The following ZFAND6 variants were observed in gnomAD, a reference collection of about 807,000 sequenced individuals.
ZFAND6 encodes AN1-type zinc finger protein 6.
ZFAND6 carries 12 observed loss-of-function variants against 24.5 expected under a neutral mutation model. The ratio of observed to expected loss-of-function variants is 0.49; its 90% CI spans 0.31 to 0.79. The LOEUF is 0.79. Among genes scored for constraint, ZFAND6 ranks in the 30% least tolerant of loss-of-function variants. The pLI is 0.04. For synonymous variants in ZFAND6, 92 were observed against 81.5 expected, an observed-to-expected ratio of 1.13 and a Z score of -0.69; for missense variants, 207 against 245.9, an observed-to-expected ratio of 0.84 and a Z score of 1.06.
chr15:80,137,405 T>G (rs1411884454), intron 6 of ZFAND6, 75 bp from the exon 7 acceptor site: 7 of 1,489,818 alleles, frequency 4.7e-6, no homozygotes, highest in Non-Finnish European at 6.3e-6. Flanking sequence ...TATATTGTGC[T>G]GTTCAGTATT....
intron 1 of ZFAND6, among the ~76,000 whole-genome samples, chr15:80,087,662 A>G (rs1380352510): frequency 2.0e-5 from 3 of 152,184 alleles, no homozygotes. Context: ...GTGCTATCAG[A>G]GGAAATCATA....
intron 2 of ZFAND6, among the ~76,000 whole-genome samples, chr15:80,118,519 A>G (rs151214355): frequency 6.6e-6 from 1 of 152,228 alleles, no homozygotes; most frequent in African/African-American, 2.4e-5. Context: ...TGACATTAGC[A>G]TTTCTATACT....
At chr15:80,117,629 T>C (rs1475811590) in intron 2 of ZFAND6, among the ~76,000 whole-genome samples, 1 of 152,218 alleles carries the variant, frequency 6.6e-6, no homozygotes, top group Non-Finnish European at 1.5e-5. Context: ...AATTGCACAG[T>C]GCTTTTTCTT....
chr15:80,079,422 GTGT>G, intron 1 of ZFAND6, among the ~76,000 whole-genome samples: 1 of 151,556 alleles, frequency 6.6e-6, no homozygotes, highest in East Asian at 2.0e-4. Flanking sequence ...GGGTTTCACC[GTGT>G]TAGCCAGGAT....
chr15:80,098,963 A>G (rs887010319), intron 2 of ZFAND6, among the ~76,000 whole-genome samples: 2 of 151,998 alleles, frequency 1.3e-5, no homozygotes, highest in African/African-American at 4.8e-5. Flanking sequence ...ATTACTTGGG[A>G]TTATGATGTT....
At chr15:80,084,849 C>G (rs773516691) in intron 1 of ZFAND6, among the ~76,000 whole-genome samples, 17 of 152,200 alleles carry the variant, frequency 1.1e-4, no homozygotes, top group Non-Finnish European at 1.9e-4. Flanking sequence ...CCTGCATCAT[C>G]AAGCCTCAGA....
intron 1 of ZFAND6, chr15:80,075,272 G>T: frequency 4.6e-6 from 1 of 219,560 alleles, no homozygotes. Context: ...TTTGATTGTC[G>T]TCTTAATAAA....
chr15:80,075,638 T>C (rs560141512), intron 1 of ZFAND6, among the ~76,000 whole-genome samples: 12 of 152,202 alleles, frequency 7.9e-5, no homozygotes, highest in Non-Finnish European at 1.5e-4. Flanking sequence ...GTGATTTTTT[T>C]CCCTCCAAAT....
chr15:80,124,898 A>T (rs982682569), intron 5 of ZFAND6, among the ~76,000 whole-genome samples: 1 of 152,206 alleles, frequency 6.6e-6, no homozygotes, highest in African/African-American at 2.4e-5. Flanking sequence ...TTTAAAAAAA[A>T]TTTAACATAT....
At chr15:80,106,677 CAG>C (rs1344136228) in intron 2 of ZFAND6, among the ~76,000 whole-genome samples, 1 of 149,766 alleles carries the variant, frequency 6.7e-6, no homozygotes, top group Non-Finnish European at 1.5e-5. Context: ...TGTTGAAGGA[CAG>C]TGTTATTACA....
intron 2 of ZFAND6, among the ~76,000 whole-genome samples, chr15:80,108,558 A>G (rs930451036): frequency 2.0e-5 from 3 of 152,126 alleles, no homozygotes; most frequent in African/African-American, 7.2e-5. Context: ...AAGGTATGTG[A>G]TATGAAACCT....
intron 1 of ZFAND6, among the ~76,000 whole-genome samples, chr15:80,082,790 T>C (rs1027511283): frequency 1.3e-5 from 2 of 152,186 alleles, no homozygotes; most frequent in Non-Finnish European, 2.9e-5. Flanking sequence ...CTTGTTTTGC[T>C]GAGTTTATAT....
intron 2 of ZFAND6, among the ~76,000 whole-genome samples, chr15:80,103,264 CTATA>C (rs1419878800): frequency 5.3e-5 from 8 of 152,182 alleles, no homozygotes; most frequent in African/African-American, 1.9e-4. Context: ...GTCAGATAAT[CTATA>C]TAAAGTGCTT....
intron 2 of ZFAND6, among the ~76,000 whole-genome samples, chr15:80,099,087 G>A (rs1218441487): frequency 6.6e-6 from 1 of 151,892 alleles, no homozygotes; most frequent in Non-Finnish European, 1.5e-5. Context: ...CAAAATACAA[G>A]CACCCTTGTT....
intron 2 of ZFAND6, among the ~76,000 whole-genome samples, chr15:80,102,897 G>T (rs900420951): frequency 6.6e-6 from 1 of 151,990 alleles, no homozygotes; most frequent in African/African-American, 2.4e-5. Flanking sequence ...TCTACCTAAG[G>T]AAAGAAAAAA....
chr15:80,087,924 T>C (rs1201962250), intron 1 of ZFAND6, among the ~76,000 whole-genome samples: 1 of 152,192 alleles, frequency 6.6e-6, no homozygotes, highest in African/African-American at 2.4e-5. Flanking sequence ...ATAATACATA[T>C]GCATGCTATG....
At position 80,132,891 on chromosome 15, in the gene ZFAND6, AATG is replaced by A. The variant is rs1364245051; in HGVS notation, c.478+1602_478+1604del. Reference sequence around the variant, plus strand: ...CTATTCTGCCATTTCAAGAAAAATGAATGATGTCTGCCATTTCAGGATAAATGA... The same window carrying A: ...CTATTCTGCCATTTCAAGAAAAATGAATGTCTGCCATTTCAGGATAAATGA... On this transcript the variant is annotated intron_variant, in intron 6 of 6. Coordinates refer to ENST00000261749, the MANE Select transcript of ZFAND6 (RefSeq NM_019006.4). 1.5e-4 allele frequency among the ~76,000 whole-genome samples: 23 copies of A among 151,940 alleles called. 1 individual carries two copies. The East Asian group carries it at 2.5e-3, about 17-fold the overall frequency.
rs995459368 is a variant in ZFAND6, at chr15:80,137,683, G to A, written c.*55G>A. Reference sequence around the variant, plus strand: ...ATCTGCAAACTAAAAATTGACTTGAGGTTTTTTTTTTCCTAGTCATTGGGA... The same window carrying A: ...ATCTGCAAACTAAAAATTGACTTGAAGTTTTTTTTTTCCTAGTCATTGGGA... On this transcript the variant is annotated 3_prime_UTR_variant, in exon 7 of 7. Coordinates refer to ENST00000261749, the MANE Select transcript of ZFAND6 (RefSeq NM_019006.4). 1 of 1,500,808 alleles carries A rather than the reference G, an allele frequency of 6.7e-7. No homozygotes were observed. The highest frequency in any genetic ancestry group is 2.5e-5 in the Admixed American group (1 of 39,960). The allele number at this position is 1,500,808 out of a possible 1,614,324, so 93.0% of individuals were successfully genotyped here.
At chr15:80,082,151 T>C (rs965223257) in intron 1 of ZFAND6, among the ~76,000 whole-genome samples, 17 of 152,130 alleles carry the variant, frequency 1.1e-4, no homozygotes, top group African/African-American at 3.9e-4. Context: ...GGAGTATACA[T>C]AGGATATGGG....
Sources: gnomAD v4.1 joint callset for allele counts (sites outside exome capture counted in the v4.1 genomes callset) on GRCh38, gnomAD v4.1.1 for gene constraint, MANE v1.5 for transcripts, NCBI Gene and HGNC (gene_info 2026-07-23, HGNC 2026-07-21) for gene names.